TEAD4: variants seen among roughly 807,000 people sequenced by gnomAD.
TEAD4 encodes the protein TEA domain transcription factor 4, also known as transcriptional enhancer factor TEF-3.
In TEAD4, 36 loss-of-function variants were observed where a neutral mutation model predicts 52.4. That is an observed-to-expected ratio of 0.69 (90% CI 0.53 to 0.91). The LOEUF (loss-of-function observed/expected upper bound fraction) is 0.91, where lower values mean the gene tolerates loss of function less well. Among genes scored for constraint, TEAD4 ranks in the 40% least tolerant of loss-of-function variants. The pLI is 0.00. For synonymous variants in TEAD4, 220 were observed against 231.0 expected (o/e 0.95, Z 0.43); for missense variants, 508 against 583.9 (o/e 0.87, Z 1.34).
chr12:3,012,621 G>A (rs1335835485), intron 5 of TEAD4, among the ~76,000 whole-genome samples: 2 of 152,200 alleles, frequency 1.3e-5, no homozygotes, highest in Admixed American at 6.5e-5. Context: ...TGGGGGTGGC[G>A]TTTATGGTAC....
chr12:3,040,215 A>T lies in TEAD4; in HGVS notation c.1147A>T (p.Lys383Ter), dbSNP rs766970807. Residue 383 changes from lysine (K) to a stop codon, truncating the protein, a stop_gained, in exon 12 of 13, where the codon AAG (lysine) becomes TAG (stop). Coordinates refer to ENST00000359864, the MANE Select transcript of TEAD4 (RefSeq NM_003213.4). LOFTEE classifies it high-confidence loss of function. ...CCACAAGCTCAAGCACCTCCCTGAGAAGTACATGATGAACAGCGTGCTGGA... is the reference window on the plus strand; with the variant it reads ...CCACAAGCTCAAGCACCTCCCTGAGTAGTACATGATGAACAGCGTGCTGGA... The T allele has an allele frequency of 6.2e-7, 1 of 1,614,118 alleles. No homozygotes were observed. Among genetic ancestry groups the T allele is most frequent in the Non-Finnish European group, 8.5e-7 (1 of 1,180,052 alleles).
At chr12:3,025,752 G>T (rs2098271696) in intron 10 of TEAD4, among the ~76,000 whole-genome samples, 1 of 152,046 alleles carries the variant, frequency 6.6e-6, no homozygotes, top group South Asian at 2.1e-4. Flanking sequence ...GGCCAGGCTG[G>T]TCTTGAACTC....
At chr12:3,023,155 C>T (rs759230021) in intron 10 of TEAD4, among the ~76,000 whole-genome samples, 261 of 152,230 alleles carry the variant, frequency 1.7e-3, no homozygotes, top group Non-Finnish European at 2.8e-3. Context: ...TTAGCATTTG[C>T]GCTCTGCCAG....
chr12:3,003,582 T>C (rs1016141724), intron 3 of TEAD4, among the ~76,000 whole-genome samples: 4 of 152,156 alleles, frequency 2.6e-5, no homozygotes, highest in Non-Finnish European at 5.9e-5. Context: ...GCATCAGGAA[T>C]GCTCCACCCT....
chr12:3,005,164 A>C (rs1406671127), intron 3 of TEAD4, among the ~76,000 whole-genome samples: 1 of 152,264 alleles, frequency 6.6e-6, no homozygotes, highest in Non-Finnish European at 1.5e-5. Context: ...AATCTAAAAC[A>C]GTGGTGCTCA....
intron 4 of TEAD4, among the ~76,000 whole-genome samples, chr12:3,011,452 G>A (rs1186638119): frequency 3.3e-5 from 5 of 151,960 alleles, no homozygotes; most frequent in Admixed American, 2.0e-4. Flanking sequence ...GGCTGGTCTC[G>A]AATTCCTGAC....
chr12:3,029,699 A>G (rs550396416), intron 10 of TEAD4, among the ~76,000 whole-genome samples: 2 of 152,052 alleles, frequency 1.3e-5, no homozygotes, highest in South Asian at 4.1e-4. Context: ...CATTCCTAGT[A>G]GTGTCCTTTG....
At chr12:3,003,432 A>T (rs1282307038) in intron 3 of TEAD4, among the ~76,000 whole-genome samples, 1 of 152,130 alleles carries the variant, frequency 6.6e-6, no homozygotes, top group Admixed American at 6.6e-5. Context: ...AGGAAATGAG[A>T]TACAGAAATG....
intron 2 of TEAD4, among the ~76,000 whole-genome samples, chr12:2,960,625 T>A (rs1489992990): frequency 6.6e-6 from 1 of 152,152 alleles, no homozygotes; most frequent in Non-Finnish European, 1.5e-5. Flanking sequence ...GTGGGTGATG[T>A]CTGTTCACGT....
At chr12:2,964,679 C>T (rs1316384930) in intron 2 of TEAD4, among the ~76,000 whole-genome samples, 5 of 149,890 alleles carry the variant, frequency 3.3e-5, no homozygotes, top group African/African-American at 1.2e-4. Context: ...TCCATGTTGG[C>T]CAGGCTGGTC....
At chr12:3,019,347 C>T (rs1019762726) in intron 8 of TEAD4, among the ~76,000 whole-genome samples, 177 bp downstream of exon 8, 1 of 152,232 alleles carries the variant, frequency 6.6e-6, no homozygotes, top group Admixed American at 6.5e-5. Context: ...GCATGCACAC[C>T]TCAGCCGTGT....
chr12:3,023,056 T>C (rs2098269780), intron 10 of TEAD4, among the ~76,000 whole-genome samples: 1 of 152,168 alleles, frequency 6.6e-6, no homozygotes, highest in Admixed American at 6.5e-5. Context: ...CCAGCCTGGC[T>C]CTCATCCACA....
chr12:3,033,015 G>A, intron 10 of TEAD4, among the ~76,000 whole-genome samples: 1 of 152,188 alleles, frequency 6.6e-6, no homozygotes. Flanking sequence ...ACACAGTTAG[G>A]AAGGAAAACT....
chr12:3,018,729 G>A, intron 7 of TEAD4, 141 bp downstream of exon 7: 1 of 1,008,496 alleles, frequency 9.9e-7, no homozygotes, highest in Non-Finnish European at 1.5e-6. Context: ...CTGAGCTCAG[G>A]GATTGGGCTC....
chr12:2,996,264 A>G (rs113097225), intron 3 of TEAD4, among the ~76,000 whole-genome samples: 2 of 151,764 alleles, frequency 1.3e-5, no homozygotes, highest in African/African-American at 4.8e-5. Context: ...CCCCACACCC[A>G]ACGCTGGTGC....
At chr12:3,019,282 C>A in intron 8 of TEAD4, 112 bp downstream of exon 8, 1 of 1,213,834 alleles carries the variant, frequency 8.2e-7, no homozygotes. Context: ...GCTGCCCCGT[C>A]ATGCACACTG....
intron 5 of TEAD4, among the ~76,000 whole-genome samples, chr12:3,014,154 G>A (rs1386715157): frequency 6.6e-6 from 1 of 152,094 alleles, no homozygotes; most frequent in Non-Finnish European, 1.5e-5. Flanking sequence ...TGTTGCTCCC[G>A]CCTCTCAGCC....
At chr12:3,024,298 G>A (rs892599151) in intron 10 of TEAD4, among the ~76,000 whole-genome samples, 8 of 151,968 alleles carry the variant, frequency 5.3e-5, no homozygotes, top group Admixed American at 4.6e-4. Flanking sequence ...GGATGGTCTC[G>A]ATCTCCTGAC....
chr12:3,033,783 G>A (rs1341184789), intron 10 of TEAD4, among the ~76,000 whole-genome samples: 2 of 152,170 alleles, frequency 1.3e-5, no homozygotes, highest in Non-Finnish European at 2.9e-5. Context: ...AGGGGACCGG[G>A]GCAGCTCTCA....
Sources: gnomAD v4.1 joint callset for allele counts (sites outside exome capture counted in the v4.1 genomes callset) on GRCh38, gnomAD v4.1.1 for gene constraint, MANE v1.5 for transcripts, NCBI Gene and HGNC (gene_info 2026-07-23, HGNC 2026-07-21) for gene names.